SFTPC: variants seen among roughly 807,000 people sequenced by gnomAD.
SFTPC encodes the protein surfactant protein C, also known as BRICHOS domain containing 6.
A neutral mutation model predicts 19.9 loss-of-function variants in SFTPC; 12 were observed. The observed-to-expected ratio is 0.60, with a 90% CI of 0.39 to 0.98. The LOEUF (loss-of-function observed/expected upper bound fraction) is 0.98. Ranked by LOEUF, SFTPC falls within the 50% of genes least tolerant of loss-of-function variation. The probability of loss-of-function intolerance (pLI) is 0.00; values close to 1 mark genes in which losing one functional copy is unlikely to be tolerated. For synonymous variants in SFTPC, 123 were observed against 103.3 expected, an observed-to-expected ratio of 1.19 and a Z score of -1.16; for missense variants, 219 against 252.2, an observed-to-expected ratio of 0.87 and a Z score of 0.89.
At chr8:22,158,731 A>G (rs1827598917), upstream of SFTPC, 1 of 152,256 alleles carries the variant, frequency 6.6e-6, no homozygotes, top group South Asian at 2.1e-4. Context: ...ACTAATGCCT[A>G]ACAAAGCAGA....
At chr8:22,162,951 C>A (rs778955206) in intron 2 of SFTPC, 129 bp from the exon 3 acceptor site, 17 of 1,428,696 alleles carry the variant, frequency 1.2e-5, no homozygotes, top group Non-Finnish European at 1.3e-5. Context: ...GCACCTGGTT[C>A]CACTCAGCCT....
In SFTPC at chr8:22,163,949, G is replaced by C; in HGVS notation, c.484G>C (p.Asp162His). 1 of 1,613,670 alleles carries C rather than the reference G, an allele frequency of 6.2e-7. No homozygotes were observed. Among genetic ancestry groups the C allele is most frequent in the South Asian group, 1.1e-5 (1 of 91,074 alleles). The change falls in exon 5 of 6, where the codon GAT becomes CAT. Residue 162 changes from aspartate to histidine, a missense_variant. Physicochemically the swap from Asp to His is moderately conservative, Grantham distance 81. Transcript: ENST00000679463. ...TSKLGQAEGR[D>H]AGSAPSGGDP... Reference sequence around the variant, plus strand: ...TAAGCTGGGCCAGGCAGAGGGGCGAGATGCAGGCTCAGCACCCTCCGGAGG... The same window carrying C: ...TAAGCTGGGCCAGGCAGAGGGGCGACATGCAGGCTCAGCACCCTCCGGAGG...
upstream of SFTPC, among the ~76,000 whole-genome samples, chr8:22,160,105 G>A (rs558341748): frequency 1.3e-5 from 2 of 152,370 alleles, no homozygotes; most frequent in Admixed American, 6.5e-5. Flanking sequence ...GGCAGCAAGG[G>A]GGTGAGGAGG....
At chr8:22,159,846 C>G, upstream of SFTPC, 1 of 1,289,262 alleles carries the variant, frequency 7.8e-7, no homozygotes, top group Non-Finnish European at 1.0e-6. Context: ...CTGGCTCAGG[C>G]CCAGTACTCG....
upstream of SFTPC, among the ~76,000 whole-genome samples, chr8:22,161,200 G>A (rs928417524): frequency 3.9e-5 from 6 of 152,204 alleles, no homozygotes; most frequent in Admixed American, 3.3e-4. Context: ...GGGCAAGTTT[G>A]AGGTTGGTAC....
Position 22,163,142 on chromosome 8 carries a change from G to A in SFTPC, c.264G>A (p.Leu88=), listed in dbSNP as rs370641482. 12 of 1,614,170 alleles carry A rather than the reference G, an allele frequency of 7.4e-6. No homozygotes were observed. Among genetic ancestry groups the A allele is most frequent in the South Asian group, 1.1e-5 (1 of 91,086 alleles). The change falls in exon 3 of 6, where the codon CTG becomes CTA. Residue 88 remains leucine, a synonymous_variant. Coordinates refer to ENST00000679463, the MANE Select transcript of SFTPC (RefSeq NM_001317778.2). ...AQQRLALSEH[L]VTTATFSIGS... ...AACGCCTGGCCCTGAGTGAGCACCT[G>A]GTTACCACTGCCACCTTCTCCATCG...
upstream of SFTPC, chr8:22,159,340 G>GTA: frequency 5.3e-6 from 1 of 189,534 alleles, no homozygotes. Context: ...GAGAGGGATT[G>GTA]GAGGTGGGCT....
At chr8:22,161,592 C>T (rs919711140), upstream of SFTPC, 60 of 1,338,108 alleles carry the variant, frequency 4.5e-5, no homozygotes, top group South Asian at 2.8e-4. Flanking sequence ...CAGGTTTGCT[C>T]TTGCTGGGGC....
intron 2 of SFTPC, 132 bp downstream of exon 2, chr8:22,162,864 G>A: frequency 7.2e-7 from 1 of 1,381,266 alleles, no homozygotes; most frequent in Non-Finnish European, 1.0e-6. Context: ...AAGGAAAGAG[G>A]CACGAACCAG....
At chr8:22,161,011 A>G (rs1827694875), upstream of SFTPC, among the ~76,000 whole-genome samples, 1 of 152,206 alleles carries the variant, frequency 6.6e-6, no homozygotes, top group South Asian at 2.1e-4. Context: ...ACCAGTGACC[A>G]GAGCCAGCCC....
In SFTPC at chr8:22,163,543, C is replaced by G; in HGVS notation, c.432C>G (p.Phe144Leu). 1 of 1,601,852 alleles carries G rather than the reference C, an allele frequency of 6.2e-7. No homozygotes were observed. The highest frequency in any genetic ancestry group is 8.6e-7 in the Non-Finnish European group (1 of 1,169,114). ...CTCTCACTAGAAAAGTCCACAACTT[C>G]CAGGTGTGTGTGTGTGGGTGAAAAG... ...LEALTRKVHN[F>L]QAKPAVPTSK... The change falls in exon 4 of 6, where the codon TTC becomes TTG. Residue 144 changes from phenylalanine (F) to leucine (L), a missense_variant. Transcript: ENST00000679463.
Position 22,164,218 on chromosome 8 carries a change from A to T in SFTPC, c.*19-48A>T, listed in dbSNP as rs546294880. 27 of 1,515,658 alleles carry T rather than the reference A, an allele frequency of 1.8e-5. No homozygotes were observed. In the African/African-American group the frequency reaches 4.0e-4, roughly 22 times the overall value. The allele number at this position is 1,515,658 out of a possible 1,614,324, so 93.9% of individuals were successfully genotyped here. On this transcript the variant is annotated intron_variant, in intron 5 of 5. Transcript: ENST00000679463. ...GGAAGCTCACAGACCGGTACTTCCC[A>T]CTCCCCTGATTCTCTCTGTCCATCC... is the stretch of plus-strand genomic sequence containing the variant.
intron 1 of SFTPC, among the ~76,000 whole-genome samples, chr8:22,162,335 C>G: frequency 6.6e-6 from 1 of 152,138 alleles, no homozygotes; most frequent in East Asian, 1.9e-4. Context: ...GAAGCAGGCT[C>G]TCTTGGGTCC....
chr8:22,159,518 C>T, upstream of SFTPC: 1 of 361,000 alleles, frequency 2.8e-6, no homozygotes, highest in Middle Eastern at 8.9e-4. Flanking sequence ...CTCCAGGAGG[C>T]AGGCACCCTC....
At chr8:22,158,619 C>T (rs8192309), upstream of SFTPC, 21,883 of 152,244 alleles carry the variant, frequency 0.14, 1,761 homozygotes, top group Middle Eastern at 0.22. Flanking sequence ...GTAGATGATG[C>T]TAATGAGGAT....
In SFTPC at chr8:22,163,895, C is replaced by G. The variant is rs1049552089; in HGVS notation, c.436-6C>G. ...TCCTACATTCCAGATGGAATGCTCT[C>G]TGCAGGCCAAGCCCGCAGTGCCTAC... On this transcript the variant is annotated splice_region_variant and splice_polypyrimidine_tract_variant and intron_variant, in intron 4 of 5. Transcript: ENST00000679463. 4 of 1,612,954 alleles carry G rather than the reference C, an allele frequency of 2.5e-6. No individual in the cohort carries two copies. The highest frequency in any genetic ancestry group is 3.4e-6 in the Non-Finnish European group (4 of 1,179,220).
chr8:22,164,247 A>C lies in SFTPC; in HGVS notation c.*19-19A>C. On this transcript the variant is annotated intron_variant, in intron 5 of 5. Coordinates refer to ENST00000679463, the MANE Select transcript of SFTPC (RefSeq NM_001317778.2). ...CCCTGATTCTCTCTGTCCATCCTCAACATTCCTTTGCTTCACAGGGTCAGT... is the reference window on the plus strand; with the variant it reads ...CCCTGATTCTCTCTGTCCATCCTCACCATTCCTTTGCTTCACAGGGTCAGT... 2 of 1,536,218 alleles carry C rather than the reference A, an allele frequency of 1.3e-6. No homozygotes were observed. Among genetic ancestry groups the C allele is most frequent in the South Asian group, 2.4e-5 (2 of 84,082 alleles).
upstream of SFTPC, among the ~76,000 whole-genome samples, chr8:22,158,310 C>G (rs756906821): frequency 6.6e-6 from 1 of 152,220 alleles, no homozygotes; most frequent in Non-Finnish European, 1.5e-5. Context: ...GCCGCCCTCC[C>G]CATGCCAGCT....
In SFTPC at chr8:22,164,367, C is replaced by T. The variant is rs953567343; in HGVS notation, c.*120C>T. On this transcript the variant is annotated 3_prime_UTR_variant, in exon 6 of 6. Transcript: ENST00000679463. The stretch of plus-strand genomic sequence containing the variant: ...GCTGCTTCTGCCCACACCGCAGGGA[C>T]AAGCCCTGGAGAAATGGGAGCTTGG... 4.6e-6 allele frequency: 7 copies of T among 1,535,528 alleles called. No homozygotes were observed. The highest frequency in any genetic ancestry group is 6.1e-6 in the Non-Finnish European group (7 of 1,146,682).
Sources: allele counts gnomAD v4.1 joint callset (sites outside exome capture counted in the v4.1 genomes callset), GRCh38; gene constraint gnomAD v4.1.1; transcripts MANE v1.5; gene names NCBI Gene and HGNC (gene_info 2026-07-23, HGNC 2026-07-21).